Variants in PTPRD observed in about 807,000 individuals in gnomAD.
PTPRD encodes protein tyrosine phosphatase receptor type D.
Under a neutral mutation model 214.5 loss-of-function variants are expected in PTPRD, and 34 were observed. That is an observed-to-expected ratio of 0.16 (90% CI 0.12 to 0.21). PTPRD has a LOEUF of 0.21. Among genes scored for constraint, PTPRD ranks in the 10% least tolerant of loss-of-function variants. The pLI is 1.00. For missense variants in PTPRD, 2,545 were observed against 2,398.7 expected (o/e 1.06, Z -1.27); for synonymous variants, 1,128 against 845.7 (o/e 1.33, Z -5.79).
chr9:8,373,926 C>T (rs1338267006), intron 39 of PTPRD, among the ~76,000 whole-genome samples: 1 of 98,446 alleles, frequency 1.0e-5, no homozygotes, highest in Non-Finnish European at 1.7e-5. Flanking sequence ...ACCTACCTAC[C>T]TATCTCAGTT....
At chr9:9,879,950 A>T (rs543384152) in intron 5 of PTPRD, among the ~76,000 whole-genome samples, 1 of 152,306 alleles carries the variant, frequency 6.6e-6, no homozygotes, top group South Asian at 2.1e-4. Flanking sequence ...TGCCTGAAGT[A>T]AAAACATGTC....
At chr9:9,669,634 A>G (rs1167516213) in intron 7 of PTPRD, among the ~76,000 whole-genome samples, 1 of 152,198 alleles carries the variant, frequency 6.6e-6, no homozygotes, top group Non-Finnish European at 1.5e-5. Flanking sequence ...ATAACAGTTA[A>G]AAATCTATAT....
intron 12 of PTPRD, among the ~76,000 whole-genome samples, chr9:8,664,673 G>C (rs2097135367): frequency 6.6e-6 from 1 of 152,186 alleles, no homozygotes; most frequent in African/African-American, 2.4e-5. Flanking sequence ...ATGCATGTTT[G>C]CTGAGACACA....
chr9:10,179,711 A>G (rs2099270773), intron 3 of PTPRD, among the ~76,000 whole-genome samples: 1 of 152,086 alleles, frequency 6.6e-6, no homozygotes, highest in South Asian at 2.1e-4. Context: ...GTAAATAACC[A>G]TTATTATTAT....
intron 5 of PTPRD, among the ~76,000 whole-genome samples, chr9:9,856,246 A>T (rs2061534210): frequency 6.6e-6 from 1 of 152,110 alleles, no homozygotes; most frequent in Non-Finnish European, 1.5e-5. Context: ...TCTCTGCCAG[A>T]TGAGCTTAGG....
chr9:9,209,807 A>C (rs2099947359), intron 9 of PTPRD, among the ~76,000 whole-genome samples: 1 of 152,152 alleles, frequency 6.6e-6, no homozygotes, highest in South Asian at 2.1e-4. Context: ...CCTTACTTGC[A>C]ATTAGTAAGT....
intron 3 of PTPRD, among the ~76,000 whole-genome samples, chr9:10,065,788 G>C (rs533147438): frequency 2.0e-5 from 3 of 151,960 alleles, no homozygotes; most frequent in Admixed American, 2.0e-4. Flanking sequence ...GGGAAGAAAA[G>C]TATTTTCCGG....
Position 9,804,199 on chromosome 9 carries a change from T to C in PTPRD, c.-367-37348A>G, listed in dbSNP as rs150416467. On this transcript the variant is annotated intron_variant, in intron 5 of 45. Coordinates refer to ENST00000381196, the MANE Select transcript of PTPRD (RefSeq NM_002839.4). ...TCCCTCTACATTTCCTTCAGTCACA[T>C]AGGGCTCTTTTAGCTGAAAGAAGCT... Among the ~76,000 whole-genome samples, 155 of 152,212 alleles carry C rather than the reference T, an allele frequency of 1.0e-3. 5 individuals carry two copies. The East Asian group carries it at 0.028, about 27-fold the overall frequency.
chr9:9,914,763 C>T (rs1275042311), intron 5 of PTPRD, among the ~76,000 whole-genome samples: 1 of 152,194 alleles, frequency 6.6e-6, no homozygotes, highest in African/African-American at 2.4e-5. Context: ...GCTGAGCCTG[C>T]TTGTGCTCAT....
At chr9:9,437,997 A>T (rs1043325881) in intron 8 of PTPRD, among the ~76,000 whole-genome samples, 1 of 152,160 alleles carries the variant, frequency 6.6e-6, no homozygotes, top group African/African-American at 2.4e-5. Context: ...GCCTGTGAAG[A>T]GAGGGTCTGT....
chr9:8,511,761 T>C (rs2097687219), intron 21 of PTPRD, among the ~76,000 whole-genome samples: 1 of 152,178 alleles, frequency 6.6e-6, no homozygotes, highest in Non-Finnish European at 1.5e-5. Flanking sequence ...TAAAAGTATG[T>C]CCGCCCTCTT....
At chr9:10,040,045 G>C (rs182860759) in intron 3 of PTPRD, among the ~76,000 whole-genome samples, 1 of 152,120 alleles carries the variant, frequency 6.6e-6, no homozygotes, top group East Asian at 1.9e-4. Flanking sequence ...GCAATGCATG[G>C]CTTTGCTGCA....
intron 12 of PTPRD, among the ~76,000 whole-genome samples, chr9:8,646,311 T>G (rs2096689368): frequency 6.6e-6 from 1 of 152,224 alleles, no homozygotes. Context: ...TTTCGTTCTT[T>G]GAGTTTTGTT....
At position 9,290,033 on chromosome 9, in the gene PTPRD, T is replaced by C. The variant is rs138315458; in HGVS notation, c.-202-106670A>G. Among the ~76,000 whole-genome samples, 871 of 151,866 alleles carry C rather than the reference T, an allele frequency of 5.7e-3. 8 individuals are homozygous for C. The highest frequency in any genetic ancestry group is 8.1e-3 in the Non-Finnish European group (552 of 67,798). On this transcript the variant is annotated intron_variant, in intron 9 of 45. Coordinates refer to ENST00000381196, the MANE Select transcript of PTPRD (RefSeq NM_002839.4). ...TTTTTAATTTTTTGAGGAGCCTTCA[T>C]ACTGTTTTCCATGATGATCATACCA...
chr9:9,013,838 A>ATTTC (rs1278145270), intron 11 of PTPRD, among the ~76,000 whole-genome samples: 1 of 152,118 alleles, frequency 6.6e-6, no homozygotes, highest in Non-Finnish European at 1.5e-5. Context: ...TAATTAAACC[A>ATTTC]TTTCTTTCTT....
chr9:10,049,507 G>C (rs898285044), intron 3 of PTPRD, among the ~76,000 whole-genome samples: 4 of 151,714 alleles, frequency 2.6e-5, no homozygotes, highest in African/African-American at 9.7e-5. Flanking sequence ...TCCACTTCAA[G>C]TCAGTTTCCC....
intron 5 of PTPRD, among the ~76,000 whole-genome samples, chr9:9,884,503 T>A (rs551386412): frequency 1.3e-5 from 2 of 152,152 alleles, no homozygotes; most frequent in East Asian, 3.9e-4. Flanking sequence ...GTGGCATATG[T>A]CTCCTAAAAC....
intron 27 of PTPRD, among the ~76,000 whole-genome samples, chr9:8,486,841 C>A (rs2097027576): frequency 6.6e-6 from 1 of 152,132 alleles, no homozygotes; most frequent in Non-Finnish European, 1.5e-5. Flanking sequence ...TTATTATTAT[C>A]TCTATCTTCT....
intron 9 of PTPRD, among the ~76,000 whole-genome samples, chr9:9,311,272 C>T (rs750753990): frequency 4.6e-5 from 7 of 152,086 alleles, no homozygotes; most frequent in Non-Finnish European, 1.0e-4. Context: ...AGTTGTTGAG[C>T]AGGCACCCAT....
Sources: gnomAD v4.1 joint callset for allele counts (sites outside exome capture counted in the v4.1 genomes callset) on GRCh38, gnomAD v4.1.1 for gene constraint, MANE v1.5 for transcripts, NCBI Gene and HGNC (gene_info 2026-07-23, HGNC 2026-07-21) for gene names.